The following CARMIL1 variants were observed in gnomAD, a reference collection of about 807,000 sequenced individuals.
CARMIL1 encodes the protein capping protein regulator and myosin 1 linker 1.
A neutral mutation model predicts 177.1 loss-of-function variants in CARMIL1; 90 were observed. The observed-to-expected ratio is 0.51, with a 90% CI of 0.43 to 0.61. CARMIL1 has a LOEUF of 0.61. CARMIL1 is among the 20% of genes least tolerant of loss of function. CARMIL1 has a pLI of 0.00. For synonymous variants in CARMIL1, 577 were observed against 606.2 expected (o/e 0.95, Z 0.71); for missense variants, 1,380 against 1,667.0 (o/e 0.83, Z 3.00).
At chr6:25,327,604 G>A (rs1231720846) in intron 2 of CARMIL1, among the ~76,000 whole-genome samples, 1 of 152,160 alleles carries the variant, frequency 6.6e-6, no homozygotes, top group Non-Finnish European at 1.5e-5. Flanking sequence ...TGAGCATTTT[G>A]TAGTCCTGAA....
chr6:25,435,516 A>T lies in CARMIL1; in HGVS notation c.283A>T (p.Met95Leu). ...GGAAACTGAGAAGTGCAGCATTTCCATGAAGATGGCGTCACCCGAGGACGT... is the reference window on the plus strand; with the variant it reads ...GGAAACTGAGAAGTGCAGCATTTCCTTGAAGATGGCGTCACCCGAGGACGT... ...IVETEKCSIS[M>L]KMASPEDVSE... The change falls in exon 5 of 37, where the codon ATG becomes TTG. Residue 95 changes from methionine (M) to leucine (L), a missense_variant. Met to Leu is a conservative substitution (Grantham distance 15, BLOSUM62 2). Coordinates refer to ENST00000329474, the MANE Select transcript of CARMIL1 (RefSeq NM_017640.6). The T allele has an allele frequency of 1.3e-6, 2 of 1,552,430 alleles. No individual in the cohort carries two copies. Among genetic ancestry groups the T allele is most frequent in the South Asian group, 2.4e-5 (2 of 84,088 alleles).
At chr6:25,412,532 G>T (rs1463874923) in intron 2 of CARMIL1, among the ~76,000 whole-genome samples, 1 of 152,214 alleles carries the variant, frequency 6.6e-6, no homozygotes, top group Non-Finnish European at 1.5e-5. Flanking sequence ...AGTGAGCTGT[G>T]ATCGCTCCAC....
chr6:25,484,520 C>T (rs564157991), intron 12 of CARMIL1, among the ~76,000 whole-genome samples: 2 of 152,320 alleles, frequency 1.3e-5, no homozygotes, highest in African/African-American at 4.8e-5. Flanking sequence ...TTGCCTGAAG[C>T]CATCTACAGA....
intron 2 of CARMIL1, among the ~76,000 whole-genome samples, chr6:25,346,094 C>T (rs1787482410): frequency 6.6e-6 from 1 of 152,222 alleles, no homozygotes; most frequent in Admixed American, 6.5e-5. Context: ...CTTTCAGCTT[C>T]CAGCCTTATC....
chr6:25,404,699 C>T (rs1053301733), intron 2 of CARMIL1, among the ~76,000 whole-genome samples: 3 of 150,868 alleles, frequency 2.0e-5, no homozygotes, highest in East Asian at 1.9e-4. Flanking sequence ...GAGGTTGCAG[C>T]GAGCCGAGAT....
chr6:25,279,679 C>G lies in CARMIL1; in HGVS notation c.-117C>G. ...CTGTCTCCGCCCCCCCTTTTCTTGC[C>G]CACTTCCATTTGCAAGCTGCATCTG... On this transcript the variant is annotated 5_prime_UTR_variant, in exon 1 of 37. Transcript: ENST00000329474. The G allele has an allele frequency of 2.2e-6, 2 of 924,858 alleles. No homozygotes were observed. Among genetic ancestry groups the G allele is most frequent in the African/African-American group, 1.6e-5 (1 of 61,672 alleles). The allele number at this position is 924,858 out of a possible 1,614,324, so 57.3% of individuals were successfully genotyped here.
intron 5 of CARMIL1, among the ~76,000 whole-genome samples, chr6:25,440,745 A>G (rs142634213): frequency 2.9e-4 from 44 of 152,316 alleles, no homozygotes; most frequent in East Asian, 2.5e-3. Context: ...GTAATGTCAT[A>G]TATTCCACTC....
Position 25,440,664 on chromosome 6 carries a change from C to T in CARMIL1, c.371+5060C>T, listed in dbSNP as rs1030021774. Among the ~76,000 whole-genome samples, 58 of 152,124 alleles carry T rather than the reference C, an allele frequency of 3.8e-4. 1 individual carries two copies. Among genetic ancestry groups the T allele is most frequent in the African/African-American group, 1.3e-3 (54 of 41,416 alleles). On this transcript the variant is annotated intron_variant, in intron 5 of 36. Coordinates refer to ENST00000329474, the MANE Select transcript of CARMIL1 (RefSeq NM_017640.6). ...ATTCCCAGTATGCCTTAAGTCAAAGCTATCAGTCAGGGGAATATTTGTTTA... is the reference window on the plus strand; with the variant it reads ...ATTCCCAGTATGCCTTAAGTCAAAGTTATCAGTCAGGGGAATATTTGTTTA...
intron 23 of CARMIL1, among the ~76,000 whole-genome samples, chr6:25,525,898 A>G (rs945086474): frequency 3.9e-4 from 59 of 152,290 alleles, no homozygotes; most frequent in African/African-American, 1.4e-3. Flanking sequence ...AAAAAGAAAG[A>G]TAAAAGAAAC....
chr6:25,437,565 C>G (rs1797341616), intron 5 of CARMIL1, among the ~76,000 whole-genome samples: 2 of 152,158 alleles, frequency 1.3e-5, no homozygotes, highest in Non-Finnish European at 2.9e-5. Context: ...TCTGCTGTAC[C>G]CAGGTCTTCG....
chr6:25,543,995 T>G (rs985539508), intron 26 of CARMIL1, among the ~76,000 whole-genome samples: 3 of 152,108 alleles, frequency 2.0e-5, no homozygotes, highest in African/African-American at 7.2e-5. Flanking sequence ...TCATTAGAGA[T>G]ACATCAAAAC....
chr6:25,441,333 A>ATGTGTGTGTGTGTGTGTGTG (rs1211206689), intron 5 of CARMIL1, among the ~76,000 whole-genome samples: 3 of 66,954 alleles, frequency 4.5e-5, no homozygotes, highest in African/African-American at 1.6e-4. Flanking sequence ...ATATATATAT[A>ATGTGTGTGTGTGTGTGTGTG]TATATGTGTG....
At chr6:25,309,389 C>T (rs1363104614) in intron 2 of CARMIL1, among the ~76,000 whole-genome samples, 1 of 149,278 alleles carries the variant, frequency 6.7e-6, no homozygotes, top group African/African-American at 2.5e-5. Flanking sequence ...AATTCACATA[C>T]CATACATTTC....
At position 25,491,948 on chromosome 6, in the gene CARMIL1, G is replaced by A; in HGVS notation, c.1144G>A (p.Val382Ile). 1 of 1,613,126 alleles carries A rather than the reference G, an allele frequency of 6.2e-7. No individual in the cohort carries two copies. The highest frequency in any genetic ancestry group is 8.5e-7 in the Non-Finnish European group (1 of 1,179,488). Reference sequence around the variant, plus strand: ...GAAGAGTGCCTTATTTCTTTTTCAGGTCTGTGGAGCTCTTCTCCGTGGATG... The same window carrying A: ...GAAGAGTGCCTTATTTCTTTTTCAGATCTGTGGAGCTCTTCTCCGTGGATG... ...LSNTECSLDM[V>I]CGALLRGCLQ... The change falls in exon 15 of 37, where the codon GTC becomes ATC. Residue 382 changes from valine to isoleucine, a missense_variant and splice_region_variant. By Grantham distance (29) the Val-to-Ile change is conservative. Coordinates refer to ENST00000329474, the MANE Select transcript of CARMIL1 (RefSeq NM_017640.6).
At chr6:25,548,446 A>G (rs1477128706) in intron 26 of CARMIL1, among the ~76,000 whole-genome samples, 2 of 152,190 alleles carry the variant, frequency 1.3e-5, no homozygotes, top group Non-Finnish European at 2.9e-5. Context: ...ATTCAGGCGG[A>G]AAAGTTTCCT....
At chr6:25,488,657 T>C in intron 13 of CARMIL1, 72 bp downstream of exon 13, 2 of 1,197,198 alleles carry the variant, frequency 1.7e-6, no homozygotes, top group Non-Finnish European at 2.5e-6. Flanking sequence ...TCTAAACATG[T>C]CTTTGTAGTG....
At chr6:25,434,518 ATTTT>A (rs5875039) in intron 4 of CARMIL1, among the ~76,000 whole-genome samples, 1 of 101,704 alleles carries the variant, frequency 9.8e-6, no homozygotes, top group Non-Finnish European at 2.0e-5. Flanking sequence ...GCTCAAAACC[ATTTT>A]TTTTTTTTTT....
intron 2 of CARMIL1, among the ~76,000 whole-genome samples, chr6:25,362,529 C>G (rs1170469135): frequency 1.3e-5 from 2 of 152,120 alleles, no homozygotes; most frequent in Non-Finnish European, 2.9e-5. Flanking sequence ...ACAAAATTAT[C>G]TGGGCATGGT....
rs1326460700 is a variant in CARMIL1, at chr6:25,515,690, T to G, written c.1648T>G (p.Ser550Ala). ...QDEESPLQSL[S>A]LADSKLKTEV... ...TGCTCCGCAGCCTCTGCAGTCCTTG[T>G]CCCTGGCTGACTCGAAACTCAAGAC... is the stretch of plus-strand genomic sequence containing the variant. Residue 550 changes from serine to alanine, a missense_variant, in exon 21 of 37, where the codon TCC becomes GCC. Physicochemically the swap from Ser to Ala is moderately conservative, Grantham distance 99. Coordinates refer to ENST00000329474, the MANE Select transcript of CARMIL1 (RefSeq NM_017640.6). The surrounding 1 kb of genome is among the most constrained non-coding windows in gnomAD (Gnocchi z 5.0). 6.2e-7 allele frequency: 1 copy of G among 1,604,424 alleles called. No homozygotes were observed. Among genetic ancestry groups the G allele is most frequent in the Non-Finnish European group, 8.5e-7 (1 of 1,175,660 alleles).
Sources: gnomAD v4.1 joint callset for allele counts (sites outside exome capture counted in the v4.1 genomes callset) on GRCh38, gnomAD v4.1.1 for gene constraint, Gnocchi (gnomAD v3.1) non-coding constraint, MANE v1.5 for transcripts, NCBI Gene and HGNC (gene_info 2026-07-23, HGNC 2026-07-21) for gene names.